Variants in MLLT3 observed in about 807,000 individuals in gnomAD.
MLLT3 encodes MLLT3 super elongation complex subunit.
A neutral mutation model predicts 53.2 loss-of-function variants in MLLT3; 4 were observed. The ratio of observed to expected loss-of-function variants is 0.08; its 90% CI spans 0.04 to 0.17. MLLT3 has a LOEUF of 0.17. MLLT3 is among the 10% of genes least tolerant of loss of function. The pLI is 1.00. For synonymous variants in MLLT3, 283 were observed against 230.6 expected (o/e 1.23, Z -2.06); for missense variants, 569 against 684.0 (o/e 0.83, Z 1.87).
At chr9:20,566,770 C>T (rs1049326782) in intron 2 of MLLT3, among the ~76,000 whole-genome samples, 42 of 152,010 alleles carry the variant, frequency 2.8e-4, no homozygotes, top group African/African-American at 9.9e-4. Context: ...TATGCTTGTG[C>T]CCATGCTCAT....
At chr9:20,369,951 T>C (rs1436674900) in intron 5 of MLLT3, among the ~76,000 whole-genome samples, 1 of 152,280 alleles carries the variant, frequency 6.6e-6, no homozygotes, top group Non-Finnish European at 1.5e-5. Flanking sequence ...TTCAGAGAAG[T>C]CCAATGAGGT....
rs74761720 is a variant in MLLT3, at chr9:20,341,857, G to A, written c.*4586C>T. 1,015 of 204,520 alleles carry A rather than the reference G, an allele frequency of 5.0e-3. 12 individuals carry two copies. Among genetic ancestry groups the A allele is most frequent in the African/African-American group, 0.022 (960 of 43,696 alleles). 12.7% of individuals were successfully genotyped at this position (204,520 alleles called of 1,614,324 possible). ...AAATAGGGGGGAAAGAAAAAATACC[G>A]GGCACACATAGCCCAGTTTATGCCA... On this transcript the variant is annotated 3_prime_UTR_variant, in exon 11 of 11. Coordinates refer to ENST00000380338, the MANE Select transcript of MLLT3 (RefSeq NM_004529.4).
intron 2 of MLLT3, among the ~76,000 whole-genome samples, chr9:20,584,231 G>A (rs1819887255): frequency 6.6e-6 from 1 of 152,060 alleles, no homozygotes; most frequent in South Asian, 2.1e-4. Context: ...ATCTCCATCT[G>A]AGACCACCTC....
intron 2 of MLLT3, among the ~76,000 whole-genome samples, chr9:20,586,137 C>T (rs948119861): frequency 1.3e-5 from 2 of 151,956 alleles, no homozygotes; most frequent in African/African-American, 4.8e-5. Context: ...GGCAACATAG[C>T]GAGGCTTCAT....
At chr9:20,527,859 C>G (rs1381242266) in intron 2 of MLLT3, among the ~76,000 whole-genome samples, 1 of 152,146 alleles carries the variant, frequency 6.6e-6, no homozygotes, top group African/African-American at 2.4e-5. Flanking sequence ...AGAATGACAC[C>G]ATTAATTCTG....
At chr9:20,434,725 T>C (rs1311803130) in intron 4 of MLLT3, among the ~76,000 whole-genome samples, 1 of 152,136 alleles carries the variant, frequency 6.6e-6, no homozygotes, top group Non-Finnish European at 1.5e-5. Flanking sequence ...CTCTCAAAAA[T>C]GCCAAATGAG....
intron 2 of MLLT3, among the ~76,000 whole-genome samples, chr9:20,518,660 T>C (rs999634252): frequency 2.0e-5 from 3 of 152,170 alleles, no homozygotes; most frequent in Non-Finnish European, 2.9e-5. Context: ...CAGTAATACA[T>C]ACTGATATCA....
chr9:20,514,508 A>AT (rs1045327260), intron 2 of MLLT3, among the ~76,000 whole-genome samples: 21 of 151,350 alleles, frequency 1.4e-4, no homozygotes, highest in Admixed American at 1.3e-3. Context: ...GGTTTTTATT[A>AT]TTTTTTTATT....
intron 2 of MLLT3, among the ~76,000 whole-genome samples, chr9:20,564,833 A>G (rs1819307662): frequency 6.6e-6 from 1 of 151,646 alleles, no homozygotes; most frequent in Non-Finnish European, 1.5e-5. Flanking sequence ...ATCTGAACCA[A>G]TGTGAAAACC....
intron 4 of MLLT3, among the ~76,000 whole-genome samples, chr9:20,433,228 T>C (rs1322348611): frequency 6.6e-6 from 1 of 152,052 alleles, no homozygotes; most frequent in African/African-American, 2.4e-5. Flanking sequence ...AAAATGAACT[T>C]GACATATCTT....
At chr9:20,521,446 CTGTGTGTGTATA>C (rs1020807654) in intron 2 of MLLT3, among the ~76,000 whole-genome samples, 6 of 129,448 alleles carry the variant, frequency 4.6e-5, no homozygotes, top group Non-Finnish European at 6.5e-5. Context: ...CTCTCTCTCG[CTGTGTGTGTATA>C]TGTGTGTGTG....
chr9:20,550,953 T>G (rs1818910652), intron 2 of MLLT3, among the ~76,000 whole-genome samples: 1 of 151,948 alleles, frequency 6.6e-6, no homozygotes, highest in South Asian at 2.1e-4. Context: ...TTGGTAGAAA[T>G]GGGGTCTCAC....
chr9:20,538,810 C>T (rs1271344344), intron 2 of MLLT3, among the ~76,000 whole-genome samples: 1 of 152,146 alleles, frequency 6.6e-6, no homozygotes, highest in Non-Finnish European at 1.5e-5. Context: ...GATTCAGTTC[C>T]AGATCACCAC....
At chr9:20,430,420 C>T (rs1032247184) in intron 4 of MLLT3, among the ~76,000 whole-genome samples, 1 of 152,064 alleles carries the variant, frequency 6.6e-6, no homozygotes, top group Non-Finnish European at 1.5e-5. Flanking sequence ...CTACAGAGAT[C>T]AACAAACTGA....
rs1821012486 is a variant in MLLT3, at chr9:20,621,616, A to C, written c.12+629T>G. Among the ~76,000 whole-genome samples, 1 of 149,482 alleles carries C rather than the reference A, an allele frequency of 6.7e-6. No homozygotes were observed. Among genetic ancestry groups the C allele is most frequent in the African/African-American group, 2.5e-5 (1 of 40,256 alleles). ...TCCAAAGTATCTCCCACCTCCCCCC[A>C]AAAAATGAAATTCAGAAAGGCAGGG... is the stretch of plus-strand genomic sequence containing the variant. On this transcript the variant is annotated intron_variant, in intron 1 of 10. Transcript: ENST00000380338. This position sits in a 1 kb window ranked among gnomAD's most constrained non-coding sequence, Gnocchi z 7.0.
At chr9:20,449,534 G>A (rs1484473359) in intron 3 of MLLT3, among the ~76,000 whole-genome samples, 1 of 152,084 alleles carries the variant, frequency 6.6e-6, no homozygotes, top group Admixed American at 6.6e-5. Flanking sequence ...TGCTCTCTTT[G>A]GGGCAGGTGT....
chr9:20,402,334 GA>G (rs940245724), intron 5 of MLLT3, among the ~76,000 whole-genome samples: 68 of 152,296 alleles, frequency 4.5e-4, no homozygotes, highest in Middle Eastern at 6.8e-3. Context: ...ATCAGAGAAA[GA>G]AAGGATATGA....
intron 4 of MLLT3, among the ~76,000 whole-genome samples, chr9:20,440,979 G>T (rs1441107344): frequency 2.0e-5 from 3 of 152,108 alleles, no homozygotes; most frequent in African/African-American, 7.2e-5. Flanking sequence ...CTACTTCGGG[G>T]AGGTCTGCAG....
chr9:20,559,026 G>GTA, intron 2 of MLLT3, among the ~76,000 whole-genome samples: 1 of 152,146 alleles, frequency 6.6e-6, no homozygotes, highest in Non-Finnish European at 1.5e-5. Flanking sequence ...GTAGCACAAT[G>GTA]GTTGTTTTAT....
Sources: allele counts gnomAD v4.1 joint callset (sites outside exome capture counted in the v4.1 genomes callset), GRCh38; gene constraint gnomAD v4.1.1; non-coding constraint Gnocchi (gnomAD v3.1); transcripts MANE v1.5; gene names NCBI Gene and HGNC (gene_info 2026-07-23, HGNC 2026-07-21).